The following ROR2 variants were observed in gnomAD, a reference collection of about 807,000 sequenced individuals.
The protein encoded by ROR2 is tyrosine-protein kinase transmembrane receptor ROR2.
ROR2 carries 33 observed loss-of-function variants against 74.9 expected under a neutral mutation model. The observed-to-expected ratio is 0.44, with a 90% CI of 0.33 to 0.59. The LOEUF is 0.59. Among genes scored for constraint, ROR2 ranks in the 20% least tolerant of loss-of-function variants. The pLI is 0.02. For missense variants in ROR2, 1,216 were observed against 1,313.8 expected (o/e 0.93, Z 1.15); for synonymous variants, 586 against 558.7 (o/e 1.05, Z -0.69).
intron 4 of ROR2, among the ~76,000 whole-genome samples, chr9:91,745,705 C>T (rs560310681): frequency 1.7e-4 from 26 of 152,158 alleles, no homozygotes; most frequent in African/African-American, 6.3e-4. Flanking sequence ...GGATTACAGG[C>T]ATTGAGCCAC....
intron 7 of ROR2, among the ~76,000 whole-genome samples, chr9:91,728,130 C>T (rs998987729): frequency 9.2e-5 from 14 of 152,190 alleles, no homozygotes; most frequent in African/African-American, 3.4e-4. Context: ...CTCACACTGA[C>T]ACCATCACCT....
In ROR2 at chr9:91,949,957, G is replaced by A. The variant is rs539329891; in HGVS notation, c.7C>T (p.Arg3Trp). 4.6e-4 allele frequency: 676 copies of A among 1,477,256 alleles called. 3 individuals are homozygous for A. In the African/African-American group the frequency reaches 8.9e-3, roughly 19 times the overall value. The allele number at this position is 1,477,256 out of a possible 1,614,324, so 91.5% of individuals were successfully genotyped here. MA[R>W]GSALPRRPLL... ...GGCCGCCGCGGGAGCGCCGAGCCCC[G>A]GGCCATGCCGCAGGCAGTGGGGGCC... The change falls in exon 1 of 9, where the codon CGG becomes TGG. Residue 3 changes from arginine (R) to tryptophan (W), a missense_variant. Physicochemically the swap from Arg to Trp is moderately radical, Grantham distance 101. Transcript: ENST00000375708.
intron 1 of ROR2, among the ~76,000 whole-genome samples, chr9:91,873,093 C>A (rs1237620049): frequency 6.6e-6 from 1 of 152,250 alleles, no homozygotes; most frequent in Non-Finnish European, 1.5e-5. Flanking sequence ...GCTCCATCAA[C>A]AGTCTCTGGT....
chr9:91,799,660 A>T (rs1827308619), intron 1 of ROR2, among the ~76,000 whole-genome samples: 1 of 152,228 alleles, frequency 6.6e-6, no homozygotes, highest in Non-Finnish European at 1.5e-5. Context: ...AATACCAAGT[A>T]GGGACAAGGA....
chr9:91,753,603 G>C (rs1367082872), intron 4 of ROR2, among the ~76,000 whole-genome samples: 1 of 152,162 alleles, frequency 6.6e-6, no homozygotes, highest in Non-Finnish European at 1.5e-5. Flanking sequence ...ACAGGTCTCA[G>C]GGCCAGGGAA....
intron 1 of ROR2, among the ~76,000 whole-genome samples, chr9:91,852,169 G>A (rs1241803619): frequency 1.3e-5 from 2 of 151,902 alleles, no homozygotes; most frequent in African/African-American, 4.8e-5. Flanking sequence ...TGCCACTGAT[G>A]TTTCTAAGTT....
chr9:91,754,462 G>A (rs993715113), intron 4 of ROR2, among the ~76,000 whole-genome samples: 4 of 152,042 alleles, frequency 2.6e-5, no homozygotes, highest in African/African-American at 9.7e-5. Context: ...TTCGAGACCA[G>A]TCTGGCCAAC....
chr9:91,920,749 C>G (rs192668255), intron 1 of ROR2, among the ~76,000 whole-genome samples: 1 of 152,276 alleles, frequency 6.6e-6, no homozygotes, highest in East Asian at 1.9e-4. Context: ...ATAGGTCAAG[C>G]AGACGATATG....
intron 1 of ROR2, among the ~76,000 whole-genome samples, chr9:91,861,775 T>C (rs1829474879): frequency 6.6e-6 from 1 of 152,202 alleles, no homozygotes; most frequent in Non-Finnish European, 1.5e-5. Flanking sequence ...ACTTGTGTGC[T>C]TCAACAGATA....
intron 1 of ROR2, among the ~76,000 whole-genome samples, chr9:91,891,448 T>C (rs779811086): frequency 7.9e-5 from 12 of 152,088 alleles, no homozygotes; most frequent in Non-Finnish European, 1.5e-4. Context: ...TTTGTATTTT[T>C]AGTAGAGACG....
In ROR2 at chr9:91,724,575, A is replaced by G. The variant is rs775744985; in HGVS notation, c.1919T>C (p.Val640Ala). ...KISDLGLFRE[V>A]YAADYYKLLG... is the part of the protein sequence containing the mutation. ...CAGCTTGTAGTAATCGGCGGCATAC[A>G]CCTCTCGGAAGAGGCCCAAGTCTGA... is the stretch of plus-strand genomic sequence containing the variant. The change falls in exon 9 of 9, where the codon GTG becomes GCG. Residue 640 changes from valine (V) to alanine (A), a missense_variant. Physicochemically the swap from Val to Ala is moderately conservative, Grantham distance 64. Transcript: ENST00000375708. 17 of 1,613,650 alleles carry G rather than the reference A, an allele frequency of 1.1e-5. No homozygotes were observed. Among genetic ancestry groups the G allele is most frequent in the Non-Finnish European group, 1.4e-5 (16 of 1,179,930 alleles).
chr9:91,809,069 G>C lies in ROR2; in HGVS notation c.98-33251C>G, dbSNP rs1827664787. Among the ~76,000 whole-genome samples, 3 of 151,984 alleles carry C rather than the reference G, an allele frequency of 2.0e-5. No homozygotes were observed. The South Asian group carries it at 6.2e-4, about 32-fold the overall frequency. On this transcript the variant is annotated intron_variant, in intron 1 of 8. Transcript: ENST00000375708. ...CATTTGGAAATGGACATGCCCTAGG[G>C]GATGAAAGGTTTCCTCTCCCCTAAG...
At chr9:91,933,220 G>A (rs1051528146) in intron 1 of ROR2, among the ~76,000 whole-genome samples, 3 of 152,126 alleles carry the variant, frequency 2.0e-5, no homozygotes, top group African/African-American at 7.2e-5. Flanking sequence ...GGATGCTGAG[G>A]CAGAAGAATC....
At chr9:91,734,766 T>A (rs1216669979) in intron 5 of ROR2, among the ~76,000 whole-genome samples, 1 of 152,166 alleles carries the variant, frequency 6.6e-6, no homozygotes, top group African/African-American at 2.4e-5. Context: ...TCAGCGTGAA[T>A]GGGCCCAGGG....
chr9:91,914,112 A>G (rs1168455229), intron 1 of ROR2, among the ~76,000 whole-genome samples: 1 of 152,158 alleles, frequency 6.6e-6, no homozygotes, highest in Admixed American at 6.5e-5. Context: ...GCCAAGTGCC[A>G]ATGCCCCCGT....
At chr9:91,739,188 C>T (rs189015783) in intron 4 of ROR2, among the ~76,000 whole-genome samples, 1 of 152,154 alleles carries the variant, frequency 6.6e-6, no homozygotes, top group Non-Finnish European at 1.5e-5. Flanking sequence ...TTAGAGTAGA[C>T]CATCCCCAAA....
At chr9:91,755,439 T>G (rs1041687100) in intron 4 of ROR2, among the ~76,000 whole-genome samples, 1 of 152,120 alleles carries the variant, frequency 6.6e-6, no homozygotes, top group Non-Finnish European at 1.5e-5. Context: ...ACACCGGCAA[T>G]GGAATGAGCA....
chr9:91,735,009 G>A (rs1209109138), intron 5 of ROR2, among the ~76,000 whole-genome samples: 1 of 151,760 alleles, frequency 6.6e-6, no homozygotes, highest in Non-Finnish European at 1.5e-5. Flanking sequence ...TTATATGGAT[G>A]GCTGTCAAAA....
At chr9:91,908,128 G>A (rs1472185540) in intron 1 of ROR2, among the ~76,000 whole-genome samples, 1 of 152,220 alleles carries the variant, frequency 6.6e-6, no homozygotes, top group African/African-American at 2.4e-5. Flanking sequence ...TGACACAGCT[G>A]TATTATCAAT....
Sources: allele counts gnomAD v4.1 joint callset (sites outside exome capture counted in the v4.1 genomes callset), GRCh38; gene constraint gnomAD v4.1.1; transcripts MANE v1.5; gene names NCBI Gene and HGNC (gene_info 2026-07-23, HGNC 2026-07-21).